The following TICAM2 variants were observed in gnomAD, a reference collection of about 807,000 sequenced individuals.
TICAM2 encodes the protein TIR domain containing adaptor molecule 2, also known as TIR domain-containing adapter molecule 2.
In TICAM2, 8 loss-of-function variants were observed where a neutral mutation model predicts 7.3. The ratio of observed to expected loss-of-function variants is 1.10; its 90% CI spans 0.65 to 1.99. The LOEUF is 1.99. TICAM2 is among the 30% of genes most tolerant of loss of function. The pLI is 0.00. For synonymous variants in TICAM2, 113 were observed against 99.6 expected (o/e 1.13, Z -0.80); for missense variants, 304 against 278.8 (o/e 1.09, Z -0.65).
chr5:115,597,425 T>C (rs1755550966), intron 1 of TICAM2, among the ~76,000 whole-genome samples: 1 of 152,116 alleles, frequency 6.6e-6, no homozygotes, highest in South Asian at 2.1e-4. Context: ...AATAAAAATA[T>C]CCAAAAACTG....
At chr5:115,589,835 C>A (rs1367995123) in intron 1 of TICAM2, among the ~76,000 whole-genome samples, 1 of 152,156 alleles carries the variant, frequency 6.6e-6, no homozygotes, top group Non-Finnish European at 1.5e-5. Flanking sequence ...CAGAGCCTAG[C>A]ATATAGTTAG....
At position 115,602,125 on chromosome 5, in the gene TICAM2, C is replaced by T. The variant is rs1449496361; in HGVS notation, c.-88G>A. The T allele has an allele frequency of 1.3e-5, 2 of 152,228 alleles. No homozygotes were observed. The highest frequency in any genetic ancestry group is 6.6e-5 in the Admixed American group (1 of 15,266). 9.4% of individuals were successfully genotyped at this position (152,228 alleles called of 1,614,324 possible). On this transcript the variant is annotated 5_prime_UTR_variant, in exon 1 of 2. Transcript: ENST00000427199. ...CAGGCGAGCGCCACCACAGTCAGCC[C>T]GCGGCTTTTCTGTCTTCCTTTCTGG...
At chr5:115,595,438 C>T (rs1248957753) in intron 1 of TICAM2, among the ~76,000 whole-genome samples, 1 of 152,144 alleles carries the variant, frequency 6.6e-6, no homozygotes, top group Non-Finnish European at 1.5e-5. Context: ...CCATTCTCTC[C>T]ATTCCCTGCC....
intron 1 of TICAM2, among the ~76,000 whole-genome samples, chr5:115,590,580 T>C (rs554401431): frequency 2.2e-4 from 33 of 152,314 alleles, no homozygotes; most frequent in African/African-American, 7.5e-4. Flanking sequence ...CAAGTTCACT[T>C]TCTTTATTAC....
At chr5:115,585,121 G>A (rs766805466) in intron 1 of TICAM2, among the ~76,000 whole-genome samples, 4 of 152,052 alleles carry the variant, frequency 2.6e-5, no homozygotes, top group Non-Finnish European at 4.4e-5. Flanking sequence ...ATATATTTGT[G>A]CTTTTATTTC....
chr5:115,596,608 C>G (rs1755520407), intron 1 of TICAM2, among the ~76,000 whole-genome samples: 1 of 152,140 alleles, frequency 6.6e-6, no homozygotes, highest in Non-Finnish European at 1.5e-5. Context: ...CCAGAACTAT[C>G]ATAAAAGTCT....
At chr5:115,600,667 A>C (rs1755691882) in intron 1 of TICAM2, among the ~76,000 whole-genome samples, 1 of 152,218 alleles carries the variant, frequency 6.6e-6, no homozygotes, top group South Asian at 2.1e-4. Flanking sequence ...AGAACTGTGC[A>C]CAGACACTGG....
intron 1 of TICAM2, among the ~76,000 whole-genome samples, chr5:115,588,943 T>A (rs1336950683): frequency 6.6e-6 from 1 of 152,166 alleles, no homozygotes; most frequent in African/African-American, 2.4e-5. Context: ...AGAGTGCAGT[T>A]CTTCAACTTT....
intron 1 of TICAM2, among the ~76,000 whole-genome samples, chr5:115,590,832 T>C (rs1428642105): frequency 1.3e-5 from 2 of 152,264 alleles, no homozygotes; most frequent in East Asian, 3.8e-4. Context: ...TTTAACTCTC[T>C]ATTATGGCTT....
chr5:115,590,600 T>C (rs554490126), intron 1 of TICAM2, among the ~76,000 whole-genome samples: 2 of 152,318 alleles, frequency 1.3e-5, no homozygotes, highest in African/African-American at 4.8e-5. Context: ...CCCATCCATA[T>C]CCTATCTATT....
At chr5:115,598,997 G>A (rs928575338) in intron 1 of TICAM2, among the ~76,000 whole-genome samples, 1 of 151,680 alleles carries the variant, frequency 6.6e-6, no homozygotes, top group Non-Finnish European at 1.5e-5. Context: ...GGGAGGTTGA[G>A]GTGGGAAAAT....
At chr5:115,588,770 C>T (rs989535581) in intron 1 of TICAM2, among the ~76,000 whole-genome samples, 5 of 152,168 alleles carry the variant, frequency 3.3e-5, no homozygotes, top group Non-Finnish European at 5.9e-5. Context: ...CGAGGCAGAA[C>T]ATGAAGCACC....
intron 1 of TICAM2, among the ~76,000 whole-genome samples, chr5:115,591,099 A>T (rs1367905381): frequency 2.0e-5 from 3 of 152,222 alleles, no homozygotes; most frequent in Non-Finnish European, 4.4e-5. Flanking sequence ...AGCATCAGAG[A>T]ACTAATGACA....
At chr5:115,584,389 C>A (rs983085053) in intron 1 of TICAM2, among the ~76,000 whole-genome samples, 1 of 152,184 alleles carries the variant, frequency 6.6e-6, no homozygotes, top group African/African-American at 2.4e-5. Context: ...ACTACATAAT[C>A]ATGCAGCATG....
intron 1 of TICAM2, among the ~76,000 whole-genome samples, chr5:115,591,785 A>G (rs942927221): frequency 6.6e-6 from 1 of 152,158 alleles, no homozygotes; most frequent in African/African-American, 2.4e-5. Context: ...AGCTACACAG[A>G]ACAACTATAC....
At chr5:115,596,434 C>T (rs1755514023) in intron 1 of TICAM2, among the ~76,000 whole-genome samples, 1 of 152,210 alleles carries the variant, frequency 6.6e-6, no homozygotes, top group Non-Finnish European at 1.5e-5. Flanking sequence ...TCAACCTCAT[C>T]TCATGCTTTT....
chr5:115,598,669 G>A (rs948648217), intron 1 of TICAM2, among the ~76,000 whole-genome samples: 9 of 151,952 alleles, frequency 5.9e-5, no homozygotes, highest in South Asian at 4.2e-4. Context: ...CTCTCTGTTC[G>A]ATATTCCAAA....
chr5:115,588,912 G>A, intron 1 of TICAM2, among the ~76,000 whole-genome samples: 1 of 152,142 alleles, frequency 6.6e-6, no homozygotes, highest in East Asian at 1.9e-4. Flanking sequence ...GCTTTGAGAG[G>A]TGTTTCTAGA....
chr5:115,589,952 A>G (rs967725415), intron 1 of TICAM2, among the ~76,000 whole-genome samples: 2 of 152,210 alleles, frequency 1.3e-5, no homozygotes, highest in Non-Finnish European at 2.9e-5. Flanking sequence ...GATCATCCCT[A>G]TTATATAAAT....
Sources: allele counts gnomAD v4.1 joint callset (sites outside exome capture counted in the v4.1 genomes callset), GRCh38; gene constraint gnomAD v4.1.1; transcripts MANE v1.5; gene names NCBI Gene and HGNC (gene_info 2026-07-23, HGNC 2026-07-21).